DNAI7: variants seen among roughly 807,000 people sequenced by gnomAD.
DNAI7 encodes the protein dynein axonemal intermediate chain 7.
A neutral mutation model predicts 86.6 loss-of-function variants in DNAI7; 78 were observed. That is an observed-to-expected ratio of 0.90 (90% CI 0.75 to 1.09). DNAI7 has a LOEUF of 1.09. Ranked by LOEUF, DNAI7 falls within the 50% of genes least tolerant of loss-of-function variation. The pLI, the probability that DNAI7 is intolerant of heterozygous loss-of-function variation, is 0.00. For missense variants in DNAI7, 753 were observed against 810.2 expected (o/e 0.93, Z 0.86); for synonymous variants, 274 against 273.0 (o/e 1.00, Z -0.04).
At chr12:25,141,443 C>T (rs1041505892) in intron 9 of DNAI7, among the ~76,000 whole-genome samples, 3 of 152,106 alleles carry the variant, frequency 2.0e-5, no homozygotes, top group African/African-American at 4.8e-5. Context: ...ATATACAAAT[C>T]GCCAAGAAAC....
At position 25,108,536 on chromosome 12, in the gene DNAI7, T is replaced by TGTAA. The variant is rs1565602533; in HGVS notation, c.*8_*11dup. 6 of 1,606,418 alleles carry TGTAA rather than the reference T, an allele frequency of 3.7e-6. No individual in the cohort carries two copies. The highest frequency in any genetic ancestry group is 4.3e-6 in the Non-Finnish European group (5 of 1,175,208). On this transcript the variant is annotated 3_prime_UTR_variant, in exon 16 of 16. Coordinates refer to ENST00000395987, the MANE Select transcript of DNAI7 (RefSeq NM_018272.5). Reference sequence around the variant, plus strand: ...GGTTCTTCATACTTACAATACAGTTTGTAAGTGGAGGTTAGGAGTAGCTGA... The same window carrying TGTAA: ...GGTTCTTCATACTTACAATACAGTTTGTAAGTAAGTGGAGGTTAGGAGTAGCTGA...
intron 6 of DNAI7, among the ~76,000 whole-genome samples, chr12:25,153,186 C>T (rs1310116757): frequency 6.6e-6 from 1 of 152,136 alleles, no homozygotes; most frequent in African/African-American, 2.4e-5. Flanking sequence ...CTTTGGGAAG[C>T]TGAGGCTGCT....
intron 2 of DNAI7, among the ~76,000 whole-genome samples, chr12:25,177,849 C>T (rs1205380373): frequency 6.6e-6 from 1 of 152,144 alleles, no homozygotes; most frequent in African/African-American, 2.4e-5. Context: ...TTAAAAAATA[C>T]AGACATCTTT....
intron 2 of DNAI7, among the ~76,000 whole-genome samples, chr12:25,175,062 G>GAACTTACTCAGGT (rs1363585359): frequency 2.0e-5 from 3 of 151,796 alleles, no homozygotes; most frequent in Non-Finnish European, 1.5e-5. Flanking sequence ...CACCACTAAA[G>GAACTTACTCAGGT]AACTTACTCA....
intron 9 of DNAI7, among the ~76,000 whole-genome samples, chr12:25,130,826 C>T (rs1315229488): frequency 6.6e-6 from 1 of 151,932 alleles, no homozygotes; most frequent in African/African-American, 2.4e-5. Context: ...TTACCCAATA[C>T]CTATAATATT....
At chr12:25,194,010 CTG>C (rs1438826148) in intron 1 of DNAI7, among the ~76,000 whole-genome samples, 1 of 152,046 alleles carries the variant, frequency 6.6e-6, no homozygotes, top group Non-Finnish European at 1.5e-5. Flanking sequence ...TTAGTAGAGA[CTG>C]GGTTTCACCA....
chr12:25,169,364 C>T (rs1159857349), intron 2 of DNAI7, among the ~76,000 whole-genome samples: 1 of 152,136 alleles, frequency 6.6e-6, no homozygotes, highest in Non-Finnish European at 1.5e-5. Flanking sequence ...CTGTAATTTT[C>T]CTTTACCTAC....
At chr12:25,164,927 C>T (rs190750870) in intron 2 of DNAI7, among the ~76,000 whole-genome samples, 12,236 of 152,046 alleles carry the variant, frequency 0.08, 1,519 homozygotes, top group African/African-American at 0.27. Flanking sequence ...CGCGACTAGC[C>T]CTCCCCCACC....
At chr12:25,123,122 G>T in intron 10 of DNAI7, 89 bp downstream of exon 10, 1 of 831,504 alleles carries the variant, frequency 1.2e-6, no homozygotes, top group Non-Finnish European at 1.9e-6. Context: ...TTTTTGCAAT[G>T]TCTGAATTTT....
chr12:25,107,741 C>G (rs113123645), downstream of DNAI7: 81,047 of 1,402,080 alleles, frequency 0.058, 2,992 homozygotes, highest in South Asian at 0.12. Context: ...GATCACCTGA[C>G]TGGTGGTGTT....
chr12:25,141,570 C>T (rs1944185421), intron 9 of DNAI7, among the ~76,000 whole-genome samples: 1 of 152,202 alleles, frequency 6.6e-6, no homozygotes. Context: ...GTGGCTCATG[C>T]CTGTTATCCC....
chr12:25,191,561 G>A lies in DNAI7; in HGVS notation c.4-930C>T, dbSNP rs183983664. 4.0e-4 allele frequency among the ~76,000 whole-genome samples: 61 copies of A among 151,640 alleles called. 1 individual carries two copies. In the East Asian group the frequency reaches 0.011, roughly 28 times the overall value. ...CTACTAAAAATACAGAAAATTGGCCGGGCATGGTGGCATGTGTCTGTAGTC... is the reference window on the plus strand; with the variant it reads ...CTACTAAAAATACAGAAAATTGGCCAGGCATGGTGGCATGTGTCTGTAGTC... On this transcript the variant is annotated intron_variant, in intron 1 of 15. Transcript: ENST00000395987.
chr12:25,189,826 T>C (rs1307447945), intron 2 of DNAI7, among the ~76,000 whole-genome samples: 2 of 152,122 alleles, frequency 1.3e-5, no homozygotes, highest in African/African-American at 2.4e-5. Context: ...GTCAAGACTA[T>C]GGCAAATCAA....
chr12:25,124,102 T>C (rs190923963), intron 9 of DNAI7, among the ~76,000 whole-genome samples: 1 of 148,334 alleles, frequency 6.7e-6, no homozygotes, highest in African/African-American at 2.4e-5. Flanking sequence ...CAAACTTCAC[T>C]TGACTTCAGG....
At chr12:25,162,943 G>C (rs1490320942) in intron 2 of DNAI7, among the ~76,000 whole-genome samples, 1 of 152,164 alleles carries the variant, frequency 6.6e-6, no homozygotes, top group Admixed American at 6.5e-5. Flanking sequence ...GTGAATTTTA[G>C]CTCCAGATTG....
intron 2 of DNAI7, among the ~76,000 whole-genome samples, chr12:25,178,745 G>A (rs1477142821): frequency 2.6e-5 from 4 of 152,102 alleles, no homozygotes; most frequent in East Asian, 1.9e-4. Context: ...TGAAAGGGAC[G>A]AAATCACAAT....
In DNAI7 at chr12:25,195,088, A is replaced by G. The variant is rs752448458; in HGVS notation, c.-10T>C. On this transcript the variant is annotated 5_prime_UTR_variant, in exon 1 of 16. Coordinates refer to ENST00000395987, the MANE Select transcript of DNAI7 (RefSeq NM_018272.5). ...TTGCCTTGCTCACCATTAAGAGTCA[A>G]GCTCCACTGCAGTAGTCCGCAGAGT... The G allele has an allele frequency of 2.5e-6, 4 of 1,614,100 alleles. No homozygotes were observed. Among genetic ancestry groups the G allele is most frequent in the Non-Finnish European group, 3.4e-6 (4 of 1,179,950 alleles).
At chr12:25,186,078 G>A (rs1235562937) in intron 2 of DNAI7, among the ~76,000 whole-genome samples, 1 of 152,014 alleles carries the variant, frequency 6.6e-6, no homozygotes, top group Non-Finnish European at 1.5e-5. Flanking sequence ...AATTTGTAAG[G>A]CAATTCTTCT....
At chr12:25,122,448 C>CAAA (rs34138209) in intron 10 of DNAI7, among the ~76,000 whole-genome samples, 26 of 76,582 alleles carry the variant, frequency 3.4e-4, no homozygotes, top group African/African-American at 4.7e-4. Flanking sequence ...GATCTCATCT[C>CAAA]AAAAAAAAAA....
Sources: gnomAD v4.1 joint callset for allele counts (sites outside exome capture counted in the v4.1 genomes callset) on GRCh38, gnomAD v4.1.1 for gene constraint, MANE v1.5 for transcripts, NCBI Gene and HGNC (gene_info 2026-07-23, HGNC 2026-07-21) for gene names.